Variants in CAMTA1 observed in about 807,000 individuals in gnomAD.
CAMTA1 encodes the protein calmodulin binding transcription activator 1, also known as calmodulin-binding transcription activator 1.
Under a neutral mutation model 170.9 loss-of-function variants are expected in CAMTA1, and 27 were observed. The ratio of observed to expected loss-of-function variants is 0.16; its 90% confidence interval spans 0.12 to 0.22. The LOEUF is 0.22. CAMTA1 is among the 10% of genes least tolerant of loss of function. The probability of loss-of-function intolerance (pLI) is 1.00; values close to 1 mark genes in which losing one functional copy is unlikely to be tolerated. For missense variants in CAMTA1, 1,619 were observed against 2,217.2 expected, an observed-to-expected ratio of 0.73 and a Z score of 5.42; for synonymous variants, 833 against 891.5, an observed-to-expected ratio of 0.93 and a Z score of 1.17.
chr1:6,838,279 A>G (rs1298806512), intron 3 of CAMTA1, among the ~76,000 whole-genome samples: 1 of 152,168 alleles, frequency 6.6e-6, no homozygotes, highest in Non-Finnish European at 1.5e-5. Context: ...GAGGAGCAAA[A>G]TGTGCGCTCC....
At chr1:7,062,003 C>T (rs147536163) in intron 3 of CAMTA1, among the ~76,000 whole-genome samples, 5,001 of 152,184 alleles carry the variant, frequency 0.033, 142 homozygotes, top group African/African-American at 0.078. Context: ...CTGCAACCTC[C>T]GCCTACCGGG....
At chr1:7,502,014 C>T (rs1182817103) in intron 6 of CAMTA1, among the ~76,000 whole-genome samples, 2 of 152,212 alleles carry the variant, frequency 1.3e-5, no homozygotes, top group East Asian at 3.8e-4. Flanking sequence ...GGATCCTCTG[C>T]CTTGGCTGCA....
chr1:6,854,163 CAT>C (rs777338534), intron 3 of CAMTA1, among the ~76,000 whole-genome samples: 1 of 152,092 alleles, frequency 6.6e-6, no homozygotes, highest in Non-Finnish European at 1.5e-5. Flanking sequence ...ATGCTGGTCT[CAT>C]AAGATTTTAT....
At chr1:7,405,099 G>T (rs1167954177) in intron 5 of CAMTA1, among the ~76,000 whole-genome samples, 20 of 152,036 alleles carry the variant, frequency 1.3e-4, no homozygotes, top group Admixed American at 1.3e-3. Flanking sequence ...GCTGGTCTCT[G>T]TGGGCTAAGA....
At chr1:7,157,740 A>G (rs984377158) in intron 4 of CAMTA1, among the ~76,000 whole-genome samples, 10 of 152,258 alleles carry the variant, frequency 6.6e-5, no homozygotes, top group Non-Finnish European at 1.0e-4. Flanking sequence ...GACTTGTATG[A>G]GAATGTTCTT....
chr1:6,941,716 C>T (rs1686664550), intron 3 of CAMTA1, among the ~76,000 whole-genome samples: 1 of 152,224 alleles, frequency 6.6e-6, no homozygotes. Flanking sequence ...GTATTAGTAC[C>T]TAGCACTTCT....
chr1:7,295,066 A>G (rs1322263225), intron 5 of CAMTA1, among the ~76,000 whole-genome samples: 2 of 152,206 alleles, frequency 1.3e-5, no homozygotes, highest in Non-Finnish European at 2.9e-5. Context: ...CACTGGCTTG[A>G]AGTCAGACTT....
In CAMTA1 at chr1:7,300,297, A is replaced by G. The variant is rs1674570962; in HGVS notation, c.438+50671A>G. Among the ~76,000 whole-genome samples, 1 of 152,168 alleles carries G rather than the reference A, an allele frequency of 6.6e-6. No homozygotes were observed. Among genetic ancestry groups the G allele is most frequent in the African/African-American group, 2.4e-5 (1 of 41,436 alleles). On this transcript the variant is annotated intron_variant, in intron 5 of 22. Coordinates refer to ENST00000303635, the MANE Select transcript of CAMTA1 (RefSeq NM_015215.4). The surrounding 1 kb of genome is among the most constrained non-coding windows in gnomAD (Gnocchi z 4.1). ...GGTCCCCACTCTGGTCCTCCCTTCC[A>G]GGCTCATTCCTGGTGCAGCAGATCA... is the stretch of plus-strand genomic sequence containing the variant.
chr1:7,230,752 G>A (rs1437188651), intron 4 of CAMTA1, among the ~76,000 whole-genome samples: 2 of 152,218 alleles, frequency 1.3e-5, no homozygotes, highest in East Asian at 3.9e-4. Flanking sequence ...GGGCAGCCAA[G>A]GTGACTCCTG....
At chr1:7,672,189 A>G (rs1032737213) in intron 10 of CAMTA1, 2 of 402,272 alleles carry the variant, frequency 5.0e-6, no homozygotes, top group Admixed American at 5.5e-5. Flanking sequence ...GAAGATGCTC[A>G]GTGTAGAAGA....
intron 6 of CAMTA1, among the ~76,000 whole-genome samples, chr1:7,622,955 G>GTCCCTAT (rs2095608912): frequency 6.6e-6 from 1 of 152,140 alleles, no homozygotes; most frequent in Admixed American, 6.5e-5. Flanking sequence ...TGAGGTCTTC[G>GTCCCTAT]TCCCTATTCC....
chr1:7,032,303 CA>C (rs997257102), intron 3 of CAMTA1, among the ~76,000 whole-genome samples: 13 of 152,080 alleles, frequency 8.5e-5, no homozygotes, highest in African/African-American at 3.1e-4. Context: ...ATTAACTGAA[CA>C]TTTTTTTATC....
At chr1:7,446,693 C>A (rs906868623) in intron 5 of CAMTA1, among the ~76,000 whole-genome samples, 1 of 152,192 alleles carries the variant, frequency 6.6e-6, no homozygotes, top group Non-Finnish European at 1.5e-5. Flanking sequence ...AGGGGCTGCC[C>A]GCTGGCTTAG....
intron 1 of CAMTA1, among the ~76,000 whole-genome samples, chr1:6,790,031 C>T (rs1569814005): frequency 6.6e-6 from 1 of 151,750 alleles, no homozygotes; most frequent in East Asian, 1.9e-4. Context: ...TCAGGTTGGT[C>T]TTGAATTCCT....
At chr1:7,537,424 C>T (rs2094562310) in intron 6 of CAMTA1, among the ~76,000 whole-genome samples, 1 of 152,192 alleles carries the variant, frequency 6.6e-6, no homozygotes, top group Admixed American at 6.5e-5. Flanking sequence ...ACAGAGAGGC[C>T]CCTGCCCGAG....
At chr1:7,417,794 C>T (rs906064680) in intron 5 of CAMTA1, among the ~76,000 whole-genome samples, 7 of 152,326 alleles carry the variant, frequency 4.6e-5, no homozygotes, top group South Asian at 2.1e-4. Flanking sequence ...CTGCACCCAC[C>T]GTCCGGCACT....
chr1:7,046,303 C>T (rs1705364783), intron 3 of CAMTA1, among the ~76,000 whole-genome samples: 1 of 152,188 alleles, frequency 6.6e-6, no homozygotes, highest in Non-Finnish European at 1.5e-5. Flanking sequence ...TGACAACCTC[C>T]CACATTTTTC....
chr1:7,606,365 GCA>G (rs2095486682), intron 6 of CAMTA1, among the ~76,000 whole-genome samples: 1 of 152,202 alleles, frequency 6.6e-6, no homozygotes, highest in Non-Finnish European at 1.5e-5. Flanking sequence ...TTGTTGGGCA[GCA>G]ATGTGTGACA....
intron 5 of CAMTA1, among the ~76,000 whole-genome samples, chr1:7,392,533 G>T (rs2088834511): frequency 1.4e-5 from 2 of 146,746 alleles, no homozygotes; most frequent in Non-Finnish European, 3.0e-5. Context: ...GGGATTACAG[G>T]CATGAGCCAC....
Sources: gnomAD v4.1 joint callset for allele counts (sites outside exome capture counted in the v4.1 genomes callset) on GRCh38, gnomAD v4.1.1 for gene constraint, Gnocchi (gnomAD v3.1) non-coding constraint, MANE v1.5 for transcripts, NCBI Gene and HGNC (gene_info 2026-07-23, HGNC 2026-07-21) for gene names.